Variants in WWOX observed in about 807,000 individuals in gnomAD.
WWOX encodes the protein WW domain-containing oxidoreductase.
A neutral mutation model predicts 46.2 loss-of-function variants in WWOX; 69 were observed. The observed-to-expected ratio is 1.49, with a 90% CI of 1.23 to 1.82. WWOX has a LOEUF of 1.82. Among genes scored for constraint, WWOX ranks in the 40% most tolerant of loss-of-function variants. WWOX has a pLI of 0.00. For missense variants in WWOX, 919 were observed against 542.6 expected, an observed-to-expected ratio of 1.69 and a Z score of -6.89; for synonymous variants, 359 against 202.6, an observed-to-expected ratio of 1.77 and a Z score of -6.56.
chr16:78,838,216 G>A (rs1047533287), intron 8 of WWOX, among the ~76,000 whole-genome samples: 9 of 152,086 alleles, frequency 5.9e-5, no homozygotes, highest in African/African-American at 1.7e-4. Flanking sequence ...GCAAAGCAGG[G>A]TACGTGGAGG....
At chr16:79,109,776 C>G (rs753648877) in intron 8 of WWOX, among the ~76,000 whole-genome samples, 1 of 152,168 alleles carries the variant, frequency 6.6e-6, no homozygotes, top group Non-Finnish European at 1.5e-5. Flanking sequence ...CATCAGATAA[C>G]TAGGAAGAAA....
intron 8 of WWOX, among the ~76,000 whole-genome samples, chr16:78,484,110 T>C (rs530336993): frequency 7.2e-5 from 11 of 152,360 alleles, no homozygotes; most frequent in Admixed American, 3.9e-4. Context: ...TTAACTTGAA[T>C]ACATTGTCTT....
At chr16:78,168,613 G>A (rs1441413467) in intron 5 of WWOX, 2 of 151,966 alleles carry the variant, frequency 1.3e-5, no homozygotes, top group Admixed American at 6.6e-5. Context: ...ACCATGTTTA[G>A]TATCAATGTT....
chr16:78,780,313 CA>C, intron 8 of WWOX: 1 of 152,196 alleles, frequency 6.6e-6, no homozygotes. Flanking sequence ...AGGGTACATT[CA>C]CTCACTCATG....
At chr16:78,207,847 C>T (rs1567428673) in intron 5 of WWOX, among the ~76,000 whole-genome samples, 2 of 151,378 alleles carry the variant, frequency 1.3e-5, no homozygotes, top group South Asian at 4.2e-4. Flanking sequence ...GTTAGAGTCT[C>T]TTTTGCTCAG....
At chr16:78,419,430 A>G (rs8061186) in intron 6 of WWOX, among the ~76,000 whole-genome samples, 2,049 of 152,180 alleles carry the variant, frequency 0.013, 39 homozygotes, top group East Asian at 0.063. Flanking sequence ...TATTGGCATA[A>G]GAATAGATCT....
In WWOX at chr16:79,083,406, CAG is replaced by C. The variant is rs200129984; in HGVS notation, c.1057-128199_1057-128198del. Among the ~76,000 whole-genome samples, 829 of 152,304 alleles carry C rather than the reference CAG, an allele frequency of 5.4e-3. 9 individuals carry two copies. Among genetic ancestry groups the C allele is most frequent in the African/African-American group, 0.019 (779 of 41,558 alleles). On this transcript the variant is annotated intron_variant, in intron 8 of 8. Coordinates refer to ENST00000566780, the MANE Select transcript of WWOX (RefSeq NM_016373.4). ...TGGGTCCCTGAGTGACCACAGTCAA[CAG>C]AGCTTCCCTGTTGGCCATTACTAAT...
chr16:79,197,883 C>G (rs538522018), intron 8 of WWOX, among the ~76,000 whole-genome samples: 1 of 152,088 alleles, frequency 6.6e-6, no homozygotes, highest in Non-Finnish European at 1.5e-5. Context: ...CTCTCACTTT[C>G]CAATCAGCAG....
chr16:78,960,106 A>G (rs929289752), intron 8 of WWOX, among the ~76,000 whole-genome samples: 1 of 152,152 alleles, frequency 6.6e-6, no homozygotes, highest in South Asian at 2.1e-4. Context: ...AGAGTGAGGG[A>G]TAAGGGGTTG....
At chr16:78,979,234 C>G (rs960832287) in intron 8 of WWOX, among the ~76,000 whole-genome samples, 3 of 152,072 alleles carry the variant, frequency 2.0e-5, no homozygotes, top group African/African-American at 7.2e-5. Context: ...GGAAAACATA[C>G]AGAAGTAAAA....
chr16:78,255,118 CT>C (rs1425388970), intron 5 of WWOX, among the ~76,000 whole-genome samples: 7 of 152,162 alleles, frequency 4.6e-5, no homozygotes, highest in Non-Finnish European at 5.9e-5. Flanking sequence ...TTTTACAAGT[CT>C]TTTCCAAGGC....
At chr16:78,854,431 C>T (rs763597904) in intron 8 of WWOX, among the ~76,000 whole-genome samples, 3 of 152,194 alleles carry the variant, frequency 2.0e-5, no homozygotes, top group Non-Finnish European at 4.4e-5. Flanking sequence ...GAGATGAAGA[C>T]TGTCCTTTAG....
At chr16:78,344,741 C>G (rs148221611) in intron 5 of WWOX, among the ~76,000 whole-genome samples, 2 of 121,782 alleles carry the variant, frequency 1.6e-5, no homozygotes, top group African/African-American at 5.6e-5. Context: ...TCCAACTTCC[C>G]AAGTCAGTTG....
At chr16:79,035,418 C>A (rs1567504201) in intron 8 of WWOX, among the ~76,000 whole-genome samples, 1 of 152,062 alleles carries the variant, frequency 6.6e-6, no homozygotes, top group Non-Finnish European at 1.5e-5. Flanking sequence ...AAAGTTGGTG[C>A]TGTGAACAGG....
chr16:78,351,755 C>T (rs547968173), intron 5 of WWOX, among the ~76,000 whole-genome samples: 4 of 152,176 alleles, frequency 2.6e-5, no homozygotes, highest in Admixed American at 2.0e-4. Context: ...CTCCCAGGTT[C>T]AAGCGATTCT....
chr16:79,074,555 T>A (rs2048618443), intron 8 of WWOX, among the ~76,000 whole-genome samples: 1 of 151,192 alleles, frequency 6.6e-6, no homozygotes, highest in South Asian at 2.1e-4. Flanking sequence ...ATCTCTACAC[T>A]CCTACTTGGA....
At chr16:78,712,135 T>G (rs528311273) in intron 8 of WWOX, among the ~76,000 whole-genome samples, 1 of 152,186 alleles carries the variant, frequency 6.6e-6, no homozygotes. Context: ...CTCTGACCAA[T>G]AAGCCAATGT....
intron 8 of WWOX, among the ~76,000 whole-genome samples, chr16:78,909,228 A>T (rs1423633957): frequency 2.0e-5 from 3 of 150,104 alleles, no homozygotes; most frequent in African/African-American, 5.1e-5. Flanking sequence ...CCAGTCGTTC[A>T]TGTTTCCTTG....
chr16:78,779,438 C>A (rs140924574), intron 8 of WWOX, among the ~76,000 whole-genome samples: 100 of 152,252 alleles, frequency 6.6e-4, no homozygotes, highest in African/African-American at 2.3e-3. Context: ...GTCCGGCCCC[C>A]CTTTCTTCTT....
Sources: gnomAD v4.1 joint callset for allele counts (sites outside exome capture counted in the v4.1 genomes callset) on GRCh38, gnomAD v4.1.1 for gene constraint, MANE v1.5 for transcripts, NCBI Gene and HGNC (gene_info 2026-07-23, HGNC 2026-07-21) for gene names.